The following ABCA4 variants were observed in gnomAD, a reference collection of about 807,000 sequenced individuals.
ABCA4 encodes retinal-specific phospholipid-transporting ATPase ABCA4.
A neutral mutation model predicts 263.7 loss-of-function variants in ABCA4; 196 were observed. The observed-to-expected ratio is 0.74, with a 90% CI of 0.66 to 0.84. The LOEUF is 0.84. ABCA4 is among the 40% of genes least tolerant of loss of function. The pLI, the probability that ABCA4 is intolerant of heterozygous loss-of-function variation, is 0.00. For synonymous variants in ABCA4, 1,133 were observed against 1,094.2 expected (o/e 1.04, Z -0.70); for missense variants, 2,792 against 2,855.1 (o/e 0.98, Z 0.50).
chr1:94,007,810 AGT>A (rs1659433684), intron 42 of ABCA4, 70 bp from the exon 43 acceptor site: 24 of 1,425,876 alleles, frequency 1.7e-5, no homozygotes, highest in Non-Finnish European at 2.2e-5. Flanking sequence ...CCCCAGGGTA[AGT>A]GTGTGTGTGA....
intron 49 of ABCA4, among the ~76,000 whole-genome samples, chr1:93,994,398 C>T (rs1394038767): frequency 7.9e-5 from 12 of 152,196 alleles, no homozygotes; most frequent in African/African-American, 2.9e-4. Flanking sequence ...CTGTGTGGTC[C>T]TGGCTCACAA....
intron 3 of ABCA4, 132 bp downstream of exon 3, chr1:94,111,306 C>G: frequency 7.8e-7 from 1 of 1,289,162 alleles, no homozygotes. Flanking sequence ...TGCTCTGCTC[C>G]TAAGAGGTTA....
intron 16 of ABCA4, among the ~76,000 whole-genome samples, chr1:94,052,653 G>A (rs1660871105): frequency 6.6e-6 from 1 of 152,166 alleles, no homozygotes; most frequent in African/African-American, 2.4e-5. Flanking sequence ...CAATCTAGTA[G>A]GATAGAAAAA....
intron 20 of ABCA4, among the ~76,000 whole-genome samples, chr1:94,043,994 C>CTT (rs1405259135): frequency 6.6e-6 from 1 of 151,242 alleles, no homozygotes; most frequent in Non-Finnish European, 1.5e-5. Context: ...TCCCTCCTTC[C>CTT]CTTTCCTTCC....
chr1:94,053,247 G>C (rs1264609359), intron 16 of ABCA4, among the ~76,000 whole-genome samples: 1 of 152,140 alleles, frequency 6.6e-6, no homozygotes, highest in African/African-American at 2.4e-5. Context: ...GGGTAGCCTG[G>C]GCACCACATT....
chr1:93,997,918 G>C lies in ABCA4; in HGVS notation c.6672C>G (p.Ser2224=). 1 of 1,614,034 alleles carries C rather than the reference G, an allele frequency of 6.2e-7. No homozygotes were observed. The highest frequency in any genetic ancestry group is 8.5e-7 in the Non-Finnish European group (1 of 1,179,972). ...SLARIFQLLL[S]HKDSLLIEEY... ...CCTCGATGAGCAGGCTGTCCTTGTG[G>C]GAGAGGAGGAGCTGGAAGATCCTCG... Residue 2224 remains serine (S), a synonymous_variant, in exon 48 of 50, where the codon TCC becomes TCG. Coordinates refer to ENST00000370225, the MANE Select transcript of ABCA4 (RefSeq NM_000350.3).
chr1:94,041,506 AGTT>A, intron 22 of ABCA4, 104 bp from the exon 23 acceptor site: 1 of 1,209,242 alleles, frequency 8.3e-7, no homozygotes, highest in Non-Finnish European at 1.1e-6. Context: ...AAAAATCAGG[AGTT>A]AACTAAAAAA....
intron 8 of ABCA4, among the ~76,000 whole-genome samples, chr1:94,079,897 T>C (rs1661643536): frequency 6.6e-6 from 1 of 152,160 alleles, no homozygotes; most frequent in African/African-American, 2.4e-5. Flanking sequence ...CCAACTACTT[T>C]TGGCATGTCC....
chr1:94,079,242 A>ATC (rs750289373), intron 9 of ABCA4, 80 bp downstream of exon 9: 1,450 of 1,532,606 alleles, frequency 9.5e-4, no homozygotes, highest in South Asian at 1.3e-3. Flanking sequence ...AGGAAGGCAC[A>ATC]TCTCTCTCAC....
chr1:94,083,933 T>C (rs950280163), intron 6 of ABCA4, among the ~76,000 whole-genome samples: 1 of 152,208 alleles, frequency 6.6e-6, no homozygotes. Context: ...TGCTCTCTCA[T>C]GGAGGATTTG....
At chr1:94,043,262 C>T (rs890699616) in intron 21 of ABCA4, 74 bp downstream of exon 21, 7 of 1,606,442 alleles carry the variant, frequency 4.4e-6, no homozygotes, top group African/African-American at 2.7e-5. Flanking sequence ...CTCCAAGCCT[C>T]CCCTGCCTCC....
At chr1:94,035,674 G>A (rs981502193) in intron 26 of ABCA4, among the ~76,000 whole-genome samples, 3 of 152,208 alleles carry the variant, frequency 2.0e-5, no homozygotes, top group African/African-American at 7.2e-5. Context: ...TAGGAGCCCA[G>A]GGGCAGCAAA....
At chr1:94,007,387 T>G (rs1659420243) in intron 43 of ABCA4, among the ~76,000 whole-genome samples, 1 of 152,234 alleles carries the variant, frequency 6.6e-6, no homozygotes. Flanking sequence ...ACACACTTAG[T>G]GCTTCCCAGG....
intron 8 of ABCA4, 126 bp downstream of exon 8, chr1:94,080,352 T>C (rs1661655830): frequency 1.5e-6 from 2 of 1,354,472 alleles, no homozygotes; most frequent in South Asian, 1.2e-5. Flanking sequence ...GAGAAGTCTC[T>C]TTACCTAAGG....
At chr1:94,103,280 T>A in intron 4 of ABCA4, 138 bp from the exon 5 acceptor site, 1 of 1,092,372 alleles carries the variant, frequency 9.2e-7, no homozygotes, top group Non-Finnish European at 1.4e-6. Flanking sequence ...TGGGAGCCCC[T>A]AGAGGTGAGG....
At chr1:94,027,063 A>C (rs1436593531) in intron 30 of ABCA4, among the ~76,000 whole-genome samples, 1 of 147,706 alleles carries the variant, frequency 6.8e-6, no homozygotes, top group African/African-American at 2.7e-5. Context: ...TGAGAGAGAA[A>C]GAGAGAGAGA....
At chr1:94,080,332 G>T in intron 8 of ABCA4, 146 bp downstream of exon 8, 1 of 1,130,808 alleles carries the variant, frequency 8.8e-7, no homozygotes, top group Non-Finnish European at 1.3e-6. Flanking sequence ...AGGGGAAGTG[G>T]ACTTTCTGGG....
At chr1:94,051,548 G>A (rs1186767412) in intron 17 of ABCA4, 85 bp downstream of exon 17, 3 of 1,223,328 alleles carry the variant, frequency 2.5e-6, no homozygotes, top group Non-Finnish European at 3.6e-6. Context: ...TTACATAGAG[G>A]GCCACCTCTG....
intron 11 of ABCA4, among the ~76,000 whole-genome samples, chr1:94,066,793 C>T (rs80034277): frequency 0.015 from 2,212 of 152,336 alleles, 57 homozygotes; most frequent in African/African-American, 0.05. Context: ...TCTTCTGCTC[C>T]AGAGCAGCAT....
Sources: gnomAD v4.1 joint callset for allele counts (sites outside exome capture counted in the v4.1 genomes callset) on GRCh38, gnomAD v4.1.1 for gene constraint, MANE v1.5 for transcripts, NCBI Gene and HGNC (gene_info 2026-07-23, HGNC 2026-07-21) for gene names.